Variants in AKAP8L observed in about 807,000 individuals in gnomAD.
AKAP8L encodes A-kinase anchoring protein 8 like, also known as A-kinase anchor protein 8-like.
AKAP8L carries 34 observed loss-of-function variants against 77.5 expected under a neutral mutation model. That is an observed-to-expected ratio of 0.44 (90% CI 0.33 to 0.58). The LOEUF (loss-of-function observed/expected upper bound fraction) is 0.58, where lower values mean the gene tolerates loss of function less well. Among genes scored for constraint, AKAP8L ranks in the 20% least tolerant of loss-of-function variants. AKAP8L has a pLI of 0.02. For missense variants in AKAP8L, 806 were observed against 887.6 expected, an observed-to-expected ratio of 0.91 and a Z score of 1.17; for synonymous variants, 342 against 340.7, an observed-to-expected ratio of 1.00 and a Z score of -0.04.
chr19:15,416,883 A>G (rs553078484), intron 1 of AKAP8L, among the ~76,000 whole-genome samples: 1 of 152,262 alleles, frequency 6.6e-6, no homozygotes, highest in South Asian at 2.1e-4. Context: ...TAATGCTAAC[A>G]TTTGCTTCGA....
Sources: allele counts gnomAD v4.1 joint callset (sites outside exome capture counted in the v4.1 genomes callset), GRCh38; gene constraint gnomAD v4.1.1; transcripts MANE v1.5; gene names NCBI Gene and HGNC (gene_info 2026-07-23, HGNC 2026-07-21).